Variants in ALPK2 observed in about 807,000 individuals in gnomAD.
The protein encoded by ALPK2 is alpha-protein kinase 2.
Under a neutral mutation model 163.1 loss-of-function variants are expected in ALPK2, and 127 were observed. The observed-to-expected ratio is 0.78, with a 90% confidence interval of 0.67 to 0.90. ALPK2 has a LOEUF of 0.90. ALPK2 is among the 40% of genes least tolerant of loss of function. The probability of loss-of-function intolerance (pLI) is 0.00; values close to 1 mark genes in which losing one functional copy is unlikely to be tolerated. For missense variants in ALPK2, 2,360 were observed against 2,589.6 expected, an observed-to-expected ratio of 0.91 and a Z score of 1.92; for synonymous variants, 953 against 959.1, an observed-to-expected ratio of 0.99 and a Z score of 0.12.
Position 58,537,728 on chromosome 18 carries a change from T to A in ALPK2, c.2459A>T (p.Asp820Val), listed in dbSNP as rs753521190. The change falls in exon 5 of 13, where the codon GAT (aspartate) becomes GTT (valine). Residue 820 changes from aspartate (D) to valine (V), a missense_variant. Transcript: ENST00000361673. ...ATCAACTGGTCTCCCAACAAGAGAA[T>A]CTATGGTATCAAAACACGTTCCTTG... ...GDQGTCFDTI[D>V]SLVGRPVDKY... is the part of the protein sequence containing the mutation. 1.2e-6 allele frequency: 2 copies of A among 1,614,140 alleles called. No individual in the cohort carries two copies. Among genetic ancestry groups the A allele is most frequent in the Non-Finnish European group, 8.5e-7 (1 of 1,180,008 alleles).
Position 58,537,794 on chromosome 18 carries a change from C to G in ALPK2, c.2393G>C (p.Arg798Thr), listed in dbSNP as rs773730533. The part of the protein sequence containing the change: ...LENVCDEPRD[R>T]EAVCAMECFE... ...ACACTCCATTGCACACACTGCTTCTCTGTCCCTTGGCTCATCACACACATT... is the reference window on the plus strand; with the variant it reads ...ACACTCCATTGCACACACTGCTTCTGTGTCCCTTGGCTCATCACACACATT... The change falls in exon 5 of 13, where the codon AGA becomes ACA. Residue 798 changes from arginine to threonine, a missense_variant. Coordinates refer to ENST00000361673, the MANE Select transcript of ALPK2 (RefSeq NM_052947.4). The G allele has an allele frequency of 8.1e-6, 13 of 1,614,180 alleles. No individual in the cohort carries two copies.
intron 12 of ALPK2, among the ~76,000 whole-genome samples, chr18:58,496,882 C>G (rs1473992241): frequency 2.0e-5 from 3 of 152,158 alleles, no homozygotes; most frequent in African/African-American, 7.2e-5. Flanking sequence ...CCTAATACCC[C>G]CTCTGTGGTC....
chr18:58,535,803 G>A lies in ALPK2; in HGVS notation c.4384C>T (p.Leu1462=). ...LQVPCLQGTI[L]SENRISRSQE... ...CTTCTGCTGATTCTATTTTCACTCA[G>A]AATGGTTCCCTGGAGACATGGAACT... Residue 1462 remains leucine, a synonymous_variant, in exon 5 of 13, where the codon CTG becomes TTG. Transcript: ENST00000361673. The A allele has an allele frequency of 6.2e-7, 1 of 1,614,212 alleles. No homozygotes were observed. Among genetic ancestry groups the A allele is most frequent in the East Asian group, 2.2e-5 (1 of 44,880 alleles).
At chr18:58,498,996 C>A (rs1045708177) in intron 11 of ALPK2, among the ~76,000 whole-genome samples, 3 of 151,976 alleles carry the variant, frequency 2.0e-5, no homozygotes, top group Non-Finnish European at 1.5e-5. Context: ...CCATAAAGAT[C>A]GTTTTTCAAT....
In ALPK2 at chr18:58,518,555, A is replaced by C. The variant is rs190299957; in HGVS notation, c.5666-1373T>G. Reference sequence around the variant, plus strand: ...TGTTGAGCTGAAGGTAATTAAGAAGAAGCAGAGGCAAGAAAGCTCTCTGCC... The same window carrying C: ...TGTTGAGCTGAAGGTAATTAAGAAGCAGCAGAGGCAAGAAAGCTCTCTGCC... On this transcript the variant is annotated intron_variant, in intron 8 of 12. Coordinates refer to ENST00000361673, the MANE Select transcript of ALPK2 (RefSeq NM_052947.4). Among the ~76,000 whole-genome samples the C allele has an allele frequency of 9.2e-5, 14 of 152,346 alleles. No individual in the cohort carries two copies. The East Asian group carries it at 2.7e-3, about 29-fold the overall frequency.
intron 3 of ALPK2, among the ~76,000 whole-genome samples, chr18:58,593,563 CAAAAAA>C (rs34460316): frequency 2.0e-5 from 1 of 50,648 alleles, no homozygotes; most frequent in East Asian, 6.8e-4. Context: ...GACTCTGTCT[CAAAAAA>C]AAAAAAAAAA....
chr18:58,576,172 G>A (rs142241382), intron 4 of ALPK2, among the ~76,000 whole-genome samples: 53 of 152,206 alleles, frequency 3.5e-4, no homozygotes, highest in African/African-American at 1.2e-3. Context: ...TCAGGAGTTC[G>A]AGACCAGCCT....
chr18:58,596,541 C>T (rs1455943101), intron 3 of ALPK2, among the ~76,000 whole-genome samples: 1 of 152,246 alleles, frequency 6.6e-6, no homozygotes, highest in Non-Finnish European at 1.5e-5. Flanking sequence ...GGAGCAGTCA[C>T]TGACACCCTG....
At chr18:58,546,471 A>G (rs150927750) in intron 4 of ALPK2, among the ~76,000 whole-genome samples, 2 of 152,206 alleles carry the variant, frequency 1.3e-5, no homozygotes, top group Non-Finnish European at 2.9e-5. Context: ...TTTATTGTAC[A>G]TCTCAGGTGA....
intron 4 of ALPK2, among the ~76,000 whole-genome samples, chr18:58,567,602 A>G (rs1351337445): frequency 6.6e-6 from 1 of 152,162 alleles, no homozygotes; most frequent in Non-Finnish European, 1.5e-5. Flanking sequence ...TTCTGTAATG[A>G]GTTAGCTCTG....
At chr18:58,561,302 G>T (rs1014109264) in intron 4 of ALPK2, among the ~76,000 whole-genome samples, 1 of 152,194 alleles carries the variant, frequency 6.6e-6, no homozygotes, top group Non-Finnish European at 1.5e-5. Flanking sequence ...GTTATGCGAG[G>T]ATGCTGAAAT....
intron 4 of ALPK2, among the ~76,000 whole-genome samples, chr18:58,553,001 A>G (rs2051767833): frequency 6.6e-6 from 1 of 152,130 alleles, no homozygotes; most frequent in Non-Finnish European, 1.5e-5. Flanking sequence ...GAAGAGAAAA[A>G]TTTGAACACA....
chr18:58,545,981 G>A (rs1222590536), intron 4 of ALPK2, among the ~76,000 whole-genome samples: 4 of 152,170 alleles, frequency 2.6e-5, no homozygotes, highest in African/African-American at 9.7e-5. Flanking sequence ...ACCTGGGGCT[G>A]CAAAACTGAA....
chr18:58,574,506 C>A (rs1389791002), intron 4 of ALPK2, among the ~76,000 whole-genome samples: 1 of 151,556 alleles, frequency 6.6e-6, no homozygotes, highest in African/African-American at 2.4e-5. Context: ...CAGCCCCAGG[C>A]CATGGACCGG....
At chr18:58,584,688 C>G (rs2051976861) in intron 3 of ALPK2, among the ~76,000 whole-genome samples, 2 of 152,196 alleles carry the variant, frequency 1.3e-5, no homozygotes, top group South Asian at 4.2e-4. Context: ...CCTGAAACAT[C>G]ATGTCCAGCC....
chr18:58,578,644 C>T, intron 4 of ALPK2, 170 bp downstream of exon 4: 1 of 601,550 alleles, frequency 1.7e-6, no homozygotes, highest in Non-Finnish European at 2.7e-6. Context: ...GCAGCAGCAG[C>T]TGTCATGCAC....
intron 4 of ALPK2, among the ~76,000 whole-genome samples, chr18:58,559,575 A>T (rs753428211): frequency 6.6e-6 from 1 of 152,174 alleles, no homozygotes; most frequent in Non-Finnish European, 1.5e-5. Flanking sequence ...GAAACTTCCT[A>T]AGAAGAATCC....
At chr18:58,568,782 G>A (rs556788871) in intron 4 of ALPK2, among the ~76,000 whole-genome samples, 7 of 152,330 alleles carry the variant, frequency 4.6e-5, no homozygotes, top group Admixed American at 1.3e-4. Flanking sequence ...GAGATGATTT[G>A]AAGTGAACAG....
At chr18:58,551,398 G>A (rs1198850725) in intron 4 of ALPK2, among the ~76,000 whole-genome samples, 1 of 152,076 alleles carries the variant, frequency 6.6e-6, no homozygotes, top group Non-Finnish European at 1.5e-5. Context: ...GTCTTCATGT[G>A]GCCATCTTCC....
Sources: allele counts gnomAD v4.1 joint callset (sites outside exome capture counted in the v4.1 genomes callset), GRCh38; gene constraint gnomAD v4.1.1; transcripts MANE v1.5; gene names NCBI Gene and HGNC (gene_info 2026-07-23, HGNC 2026-07-21).